The following ADGRV1 variants were observed in gnomAD, a reference collection of about 807,000 sequenced individuals.
The protein encoded by ADGRV1 is adhesion G protein-coupled receptor V1.
ADGRV1 carries 359 observed loss-of-function variants against 596.2 expected under a neutral mutation model. That is an observed-to-expected ratio of 0.60 (90% CI 0.55 to 0.66). The LOEUF (loss-of-function observed/expected upper bound fraction) is 0.66. Ranked by LOEUF, ADGRV1 falls within the 30% of genes least tolerant of loss-of-function variation. The probability of loss-of-function intolerance (pLI) is 0.00; values close to 1 mark genes in which losing one functional copy is unlikely to be tolerated. For missense variants in ADGRV1, 7,274 were observed against 7,575.6 expected, an observed-to-expected ratio of 0.96 and a Z score of 1.48; for synonymous variants, 2,681 against 2,679.2, an observed-to-expected ratio of 1.00 and a Z score of -0.02.
chr5:91,134,479 C>T (rs1244918123), intron 87 of ADGRV1, among the ~76,000 whole-genome samples: 1 of 152,192 alleles, frequency 6.6e-6, no homozygotes, highest in Non-Finnish European at 1.5e-5. Context: ...TAGACGTGAG[C>T]CACTGCGCCC....
At position 90,810,564 on chromosome 5, in the gene ADGRV1, T is replaced by A. The variant is rs1289196413; in HGVS notation, c.15304T>A (p.Leu5102Ile). 1.9e-6 allele frequency: 3 copies of A among 1,613,820 alleles called. No individual in the cohort carries two copies. In the African/African-American group the frequency reaches 4.0e-5, roughly 22 times the overall value. The change falls in exon 74 of 90, where the codon TTA (leucine) becomes ATA (isoleucine). Residue 5102 changes from leucine to isoleucine, a missense_variant. This residue lies in a region of ADGRV1 where 1,874 missense variants were observed against 1,970.2 expected (regional missense o/e 0.95). Transcript: ENST00000405460. ...INLTSVEIRG[L>I]QKFDVNWSPR... The stretch of plus-strand genomic sequence containing the variant: ...CCTTACTTCAGTAGAAATTAGGGGA[T>A]TACAAAAGTTTGATGTTAATTGGAG...
chr5:91,094,001 G>A (rs879883944), intron 86 of ADGRV1, among the ~76,000 whole-genome samples: 10 of 151,698 alleles, frequency 6.6e-5, no homozygotes, highest in Non-Finnish European at 8.8e-5. Context: ...ACAGGCATGC[G>A]CCACCACACC....
chr5:90,607,791 A>T (rs1378341271), intron 1 of ADGRV1, among the ~76,000 whole-genome samples: 1 of 152,184 alleles, frequency 6.6e-6, no homozygotes, highest in Non-Finnish European at 1.5e-5. Context: ...TCATATGAAG[A>T]TATGAAGATC....
chr5:90,850,070 G>A (rs1439896734), intron 79 of ADGRV1, among the ~76,000 whole-genome samples: 2 of 152,120 alleles, frequency 1.3e-5, no homozygotes, highest in Admixed American at 6.5e-5. Flanking sequence ...AGTTCATGGA[G>A]AGGCCTGGAC....
intron 84 of ADGRV1, among the ~76,000 whole-genome samples, chr5:90,984,255 C>T (rs1420139475): frequency 6.6e-6 from 1 of 152,160 alleles, no homozygotes; most frequent in African/African-American, 2.4e-5. Flanking sequence ...TACTCACACT[C>T]TTTCTACCAT....
intron 42 of ADGRV1, among the ~76,000 whole-genome samples, chr5:90,714,362 A>T (rs1749800241): frequency 6.6e-6 from 1 of 151,586 alleles, no homozygotes; most frequent in South Asian, 2.1e-4. Context: ...AGGAATAGTT[A>T]TATATTTTGA....
intron 87 of ADGRV1, among the ~76,000 whole-genome samples, chr5:91,139,692 A>C (rs1433223497): frequency 6.6e-6 from 1 of 152,236 alleles, no homozygotes; most frequent in Non-Finnish European, 1.5e-5. Context: ...TTAATGGACC[A>C]AGTCAGATTA....
Position 90,704,461 on chromosome 5 carries a change from G to A in ADGRV1, c.8359G>A (p.Val2787Ile), listed in dbSNP as rs542315417. ...TCCTGAGGAGAAAGAAGTATACCAA[G>A]TCATTCTGTATGATGTCAGGACACA... ...NIPEEKEVYQ[V>I]ILYDVRTQGV... Residue 2787 changes from valine to isoleucine, a missense_variant, in exon 36 of 90, where the codon GTC becomes ATC. Transcript: ENST00000405460. 6.4e-7 allele frequency: 1 copy of A among 1,573,006 alleles called. No homozygotes were observed. Among genetic ancestry groups the A allele is most frequent in the East Asian group, 2.3e-5 (1 of 43,476 alleles).
intron 84 of ADGRV1, among the ~76,000 whole-genome samples, chr5:90,978,188 G>T (rs1227986073): frequency 1.3e-5 from 2 of 151,952 alleles, no homozygotes; most frequent in African/African-American, 4.8e-5. Flanking sequence ...CCAGCTACTA[G>T]GGAGGCTGAG....
chr5:90,911,926 T>C (rs1375185996), intron 83 of ADGRV1, among the ~76,000 whole-genome samples: 1 of 152,098 alleles, frequency 6.6e-6, no homozygotes, highest in Non-Finnish European at 1.5e-5. Flanking sequence ...AAACAGCTGC[T>C]AAGTCTCCTG....
intron 21 of ADGRV1, among the ~76,000 whole-genome samples, chr5:90,661,546 T>G (rs1407160730): frequency 6.6e-6 from 1 of 152,242 alleles, no homozygotes; most frequent in Non-Finnish European, 1.5e-5. Context: ...TAATTTTCTA[T>G]TGCAATAGAG....
intron 78 of ADGRV1, among the ~76,000 whole-genome samples, chr5:90,845,412 CTT>C (rs914017283): frequency 9.2e-5 from 14 of 152,014 alleles, no homozygotes; most frequent in Admixed American, 6.5e-4. Flanking sequence ...CTAAAAGAAA[CTT>C]TGTTTTTTTT....
intron 83 of ADGRV1, among the ~76,000 whole-genome samples, chr5:90,881,059 T>C (rs948657592): frequency 2.6e-5 from 4 of 152,188 alleles, no homozygotes; most frequent in Non-Finnish European, 4.4e-5. Context: ...ACCTGGATAA[T>C]GTTTTGGAGT....
intron 83 of ADGRV1, among the ~76,000 whole-genome samples, chr5:90,874,349 T>G (rs573492498): frequency 7.7e-4 from 117 of 152,326 alleles, no homozygotes; most frequent in Non-Finnish European, 1.2e-3. Flanking sequence ...CAGAGTGGCC[T>G]CCGCAAGAAG....
At chr5:90,741,704 C>G (rs529336716) in intron 50 of ADGRV1, among the ~76,000 whole-genome samples, 17 of 151,924 alleles carry the variant, frequency 1.1e-4, no homozygotes, top group Non-Finnish European at 2.2e-4. Context: ...ATTAAAGGAC[C>G]CATTGTGAGG....
Position 90,783,977 on chromosome 5 carries a change from A to T in ADGRV1, c.13573A>T (p.Ile4525Phe). Reference sequence around the variant, plus strand: ...TATAAGGTTTCTCAATCAAAGCAAAATTTCTATTGCTAATCCCAATTCCAC... The same window carrying T: ...TATAAGGTTTCTCAATCAAAGCAAATTTTCTATTGCTAATCCCAATTCCAC... Reference protein sequence around the residue: ...GVIRFLNQSKISIANPNSTMI... With the variant: ...GVIRFLNQSKFSIANPNSTMI... Residue 4525 changes from isoleucine (I) to phenylalanine (F), a missense_variant, in exon 67 of 90, where the codon ATT becomes TTT. Ile to Phe is a conservative substitution (Grantham distance 21). This residue lies in a region of ADGRV1 where 3,643 missense variants were observed against 3,809.2 expected (regional missense o/e 0.96). Coordinates refer to ENST00000405460, the MANE Select transcript of ADGRV1 (RefSeq NM_032119.4). The T allele has an allele frequency of 6.2e-7, 1 of 1,612,644 alleles. No individual in the cohort carries two copies. The highest frequency in any genetic ancestry group is 8.5e-7 in the Non-Finnish European group (1 of 1,179,360).
Position 90,627,635 on chromosome 5 carries a change from C to A in ADGRV1, c.1097C>A (p.Thr366Asn). 6.2e-7 allele frequency: 1 copy of A among 1,613,756 alleles called. No individual in the cohort carries two copies. Among genetic ancestry groups the A allele is most frequent in the Non-Finnish European group, 8.5e-7 (1 of 1,179,782 alleles). ...TTTCACATTATGTTACTAAAAGATA[C>A]CTTACAGGGAGATGCTGTGCTAATA... ...ESFHIMLLKD[T>N]LQGDAVLISP... Residue 366 changes from threonine to asparagine, a missense_variant, in exon 7 of 90, where the codon ACC (threonine) becomes AAC (asparagine). This residue lies in a region of ADGRV1 where 1,715 missense variants were observed against 1,708.8 expected (regional missense o/e 1.00). Coordinates refer to ENST00000405460, the MANE Select transcript of ADGRV1 (RefSeq NM_032119.4).
chr5:90,646,087 T>C lies in ADGRV1; in HGVS notation c.3018T>C (p.Phe1006=). 6.4e-7 allele frequency: 1 copy of C among 1,563,402 alleles called. No individual in the cohort carries two copies. Among genetic ancestry groups the C allele is most frequent in the Non-Finnish European group, 8.7e-7 (1 of 1,153,738 alleles). The part of the protein sequence containing the change: ...RIRRNDDPIY[F]AEPRVVRVQE... Reference sequence around the variant, plus strand: ...GAAGAAATGATGACCCCATTTATTTTGCAGGTGGTATTGCTGTCTTATTTG... The same window carrying C: ...GAAGAAATGATGACCCCATTTATTTCGCAGGTGGTATTGCTGTCTTATTTG... The change falls in exon 16 of 90, where the codon TTT becomes TTC. Residue 1006 remains phenylalanine (F), a synonymous_variant. Transcript: ENST00000405460.
intron 83 of ADGRV1, among the ~76,000 whole-genome samples, chr5:90,941,039 G>C (rs1323080975): frequency 2.6e-5 from 4 of 151,720 alleles, no homozygotes; most frequent in African/African-American, 9.7e-5. Context: ...GTGGATACTG[G>C]TAAAATAGCA....
Sources: gnomAD v4.1 joint callset for allele counts (sites outside exome capture counted in the v4.1 genomes callset) on GRCh38, gnomAD v4.1.1 for gene constraint, gnomAD v4.1.1 regional missense constraint, MANE v1.5 for transcripts, NCBI Gene and HGNC (gene_info 2026-07-23, HGNC 2026-07-21) for gene names.